LRRC63: variants seen among roughly 807,000 people sequenced by gnomAD.
LRRC63 encodes the protein leucine rich repeat containing 63, also known as leucine-rich repeat-containing protein 63.
In LRRC63, 40 loss-of-function variants were observed where a neutral mutation model predicts 49.5. The observed-to-expected ratio is 0.81, with a 90% CI of 0.63 to 1.05. The LOEUF is 1.05. Ranked by LOEUF, LRRC63 falls within the 50% of genes least tolerant of loss-of-function variation. The pLI is 0.00. For missense variants in LRRC63, 636 were observed against 663.1 expected (o/e 0.96, Z 0.45); for synonymous variants, 191 against 221.1 (o/e 0.86, Z 1.21).
At chr13:46,272,215 T>G (rs2138595913) in intron 9 of LRRC63, among the ~76,000 whole-genome samples, 1 of 152,292 alleles carries the variant, frequency 6.6e-6, no homozygotes, top group Non-Finnish European at 1.5e-5. Context: ...TCACTTATTA[T>G]TTTTGGACCA....
At chr13:46,256,537 CTTGGAA>C (rs1362773012) in intron 7 of LRRC63, among the ~76,000 whole-genome samples, 2 of 152,228 alleles carry the variant, frequency 1.3e-5, no homozygotes, top group African/African-American at 4.8e-5. Flanking sequence ...TTCAAAATTG[CTTGGAA>C]TTGGTAATTC....
At chr13:46,234,327 G>C (rs777841043) in exon 5 of LRRC63, 2 of 1,549,962 alleles carry the variant, frequency 1.3e-6, no homozygotes, top group African/African-American at 1.4e-5. Flanking sequence ...CAAGTATATG[G>C]GAGAAATGCA....
intron 4 of LRRC63, among the ~76,000 whole-genome samples, chr13:46,229,491 G>A (rs1446064309): frequency 6.6e-6 from 1 of 152,202 alleles, no homozygotes; most frequent in Non-Finnish European, 1.5e-5. Context: ...TGTGGTGTGG[G>A]AGAATGGATT....
At chr13:46,222,255 T>G (rs1191053961) in intron 2 of LRRC63, among the ~76,000 whole-genome samples, 1 of 152,154 alleles carries the variant, frequency 6.6e-6, no homozygotes, top group Non-Finnish European at 1.5e-5. Flanking sequence ...TTGTATATTC[T>G]AGATGTTAGT....
At chr13:46,249,156 T>G (rs1391829386) in intron 6 of LRRC63, among the ~76,000 whole-genome samples, 2 of 151,718 alleles carry the variant, frequency 1.3e-5, no homozygotes, top group African/African-American at 2.4e-5. Flanking sequence ...AGAGGGAAAC[T>G]TATAGCTGTA....
chr13:46,216,178 A>T (rs993988040), intron 2 of LRRC63, among the ~76,000 whole-genome samples: 8 of 152,196 alleles, frequency 5.3e-5, no homozygotes, highest in Non-Finnish European at 1.0e-4. Flanking sequence ...CTTGATGAGG[A>T]TAGCATTGAA....
intron 5 of LRRC63, among the ~76,000 whole-genome samples, chr13:46,239,283 A>G (rs1032059923): frequency 7.4e-5 from 11 of 149,108 alleles, no homozygotes; most frequent in Admixed American, 7.3e-4. Flanking sequence ...AAATAAACAC[A>G]ATTAGAAATG....
chr13:46,261,795 T>G, intron 7 of LRRC63, 114 bp from the exon 8 acceptor site: 1 of 363,598 alleles, frequency 2.8e-6, no homozygotes, highest in Non-Finnish European at 5.0e-6. Flanking sequence ...CCATATAAAT[T>G]TCAAGATCTT....
chr13:46,269,842 C>T (rs1358639109), intron 9 of LRRC63, among the ~76,000 whole-genome samples: 2 of 145,688 alleles, frequency 1.4e-5, no homozygotes, highest in South Asian at 2.1e-4. Context: ...TACTATATAT[C>T]TATATATCTA....
chr13:46,222,232 T>C (rs1343658657), intron 2 of LRRC63, among the ~76,000 whole-genome samples: 2 of 152,048 alleles, frequency 1.3e-5, no homozygotes, highest in Non-Finnish European at 2.9e-5. Context: ...TCCTGTTGAG[T>C]TGTTTGAGGT....
At chr13:46,260,731 A>C (rs1677164094) in intron 7 of LRRC63, among the ~76,000 whole-genome samples, 1 of 152,188 alleles carries the variant, frequency 6.6e-6, no homozygotes, top group African/African-American at 2.4e-5. Flanking sequence ...TTTACGTGTT[A>C]TTTAGAGATA....
intron 8 of LRRC63, among the ~76,000 whole-genome samples, chr13:46,263,467 A>AC (rs1346439773): frequency 7.1e-6 from 1 of 140,920 alleles, no homozygotes; most frequent in Non-Finnish European, 1.6e-5. Flanking sequence ...CTATTGTACT[A>AC]CCCTAATCTG....
rs760181239 is a variant in LRRC63 at position 46,212,985 on chromosome 13, T to C, written c.-33-17T>C. The C allele has an allele frequency of 9.7e-6, 12 of 1,241,160 alleles. No individual in the cohort carries two copies. The South Asian group carries it at 1.7e-4, about 17-fold the overall frequency. 76.9% of individuals were successfully genotyped at this position (1,241,160 alleles called of 1,614,324 possible). On this transcript the variant is annotated splice_polypyrimidine_tract_variant and intron_variant, in intron 1 of 9. Coordinates refer to ENST00000595396, the Ensembl canonical transcript of LRRC63. ...TCAAACATATTCAAAACCTTTTCAA[T>C]TCTCATTTAAACCAAGGATTATGAA... is the stretch of plus-strand genomic sequence containing the variant.
At position 46,246,507 on chromosome 13, in the gene LRRC63, C is replaced by G; in HGVS notation, c.991-20C>G. 3 of 1,307,746 alleles carry G rather than the reference C, an allele frequency of 2.3e-6. No homozygotes were observed. Among genetic ancestry groups the G allele is most frequent in the East Asian group, 2.7e-5 (1 of 36,470 alleles). 81.0% of individuals were successfully genotyped at this position (1,307,746 alleles called of 1,614,324 possible). ...GCCTTGTTAGTGATTAACACCTTAT[C>G]TCTTGTCACTTTCTTTTAGGGCTTT... is the stretch of plus-strand genomic sequence containing the variant. On this transcript the variant is annotated intron_variant, in intron 5 of 9. Transcript: ENST00000595396.
chr13:46,273,998 A>C (rs2138600229), intron 9 of LRRC63, among the ~76,000 whole-genome samples: 1 of 152,146 alleles, frequency 6.6e-6, no homozygotes, highest in Non-Finnish European at 1.5e-5. Flanking sequence ...CACTGAATGC[A>C]TTGGAAGTTT....
intron 8 of LRRC63, among the ~76,000 whole-genome samples, chr13:46,263,255 C>A (rs900361039): frequency 6.6e-6 from 1 of 151,986 alleles, no homozygotes; most frequent in African/African-American, 2.4e-5. Flanking sequence ...TAGCTCACTA[C>A]GGCCTTGAAC....
At chr13:46,217,218 G>A (rs551145935) in intron 2 of LRRC63, among the ~76,000 whole-genome samples, 14 of 152,252 alleles carry the variant, frequency 9.2e-5, no homozygotes, top group East Asian at 5.8e-4. Flanking sequence ...GGTAGAATTC[G>A]GCTGTGAATC....
intron 7 of LRRC63, among the ~76,000 whole-genome samples, chr13:46,252,933 C>A (rs938474860): frequency 6.6e-6 from 1 of 151,894 alleles, no homozygotes; most frequent in African/African-American, 2.4e-5. Flanking sequence ...CTGTATGCAA[C>A]AAGAAACCAT....
chr13:46,246,537 T>C, exon 6 of LRRC63: 1 of 1,449,416 alleles, frequency 6.9e-7, no homozygotes, highest in Non-Finnish European at 9.1e-7. Flanking sequence ...GGCTTTTTTA[T>C]CCTAAATTGT....
Sources: gnomAD v4.1 joint callset for allele counts (sites outside exome capture counted in the v4.1 genomes callset) on GRCh38, gnomAD v4.1.1 for gene constraint, MANE v1.5 for transcripts, NCBI Gene and HGNC (gene_info 2026-07-23, HGNC 2026-07-21) for gene names.